Variants in RBBP4 observed in about 807,000 individuals in gnomAD.
RBBP4 encodes histone-binding protein RBBP4.
Under a neutral mutation model 57.2 loss-of-function variants are expected in RBBP4, and 3 were observed. The ratio of observed to expected loss-of-function variants is 0.05; its 90% CI spans 0.02 to 0.14. The LOEUF (loss-of-function observed/expected upper bound fraction) is 0.14. RBBP4 is among the 10% of genes least tolerant of loss of function. The probability of loss-of-function intolerance (pLI) is 1.00; values close to 1 mark genes in which losing one functional copy is unlikely to be tolerated. For synonymous variants in RBBP4, 151 were observed against 171.5 expected (o/e 0.88, Z 0.93); for missense variants, 107 against 520.6 (o/e 0.21, Z 7.73).
intron 3 of RBBP4, among the ~76,000 whole-genome samples, chr1:32,658,176 G>A (rs1394919281): frequency 6.6e-6 from 1 of 152,024 alleles, no homozygotes; most frequent in Non-Finnish European, 1.5e-5. Flanking sequence ...TTCTTAACAC[G>A]GGAGATAACT....
At position 32,662,893 on chromosome 1, in the gene RBBP4, A is replaced by G. The variant is rs532179890; in HGVS notation, c.310+5321A>G. 5.9e-5 allele frequency among the ~76,000 whole-genome samples: 9 copies of G among 152,092 alleles called. No homozygotes were observed. In the East Asian group the frequency reaches 1.8e-3, roughly 30 times the overall value. ...CAGCTACTTGGAAGGCTGATGCAGT[A>G]GAATCGCTTGAACCCAGGAGGCGGA... is the stretch of plus-strand genomic sequence containing the variant. On this transcript the variant is annotated intron_variant, in intron 3 of 11. Transcript: ENST00000373493.
rs1649722021 is a variant in RBBP4 at position 32,684,990 on chromosome 1, C to G, written c.*5285C>G. Reference sequence around the variant, plus strand: ...TGCTTTAGTGAGGGTGTTGGCTATCCTATTGCTAATTTCCTGCATCCTTTT... The same window carrying G: ...TGCTTTAGTGAGGGTGTTGGCTATCGTATTGCTAATTTCCTGCATCCTTTT... On this transcript the variant is annotated 3_prime_UTR_variant, in exon 12 of 12. Coordinates refer to ENST00000373493, the MANE Select transcript of RBBP4 (RefSeq NM_005610.3). 1 of 151,608 alleles carries G rather than the reference C, an allele frequency of 6.6e-6. No individual in the cohort carries two copies. Among genetic ancestry groups the G allele is most frequent in the Non-Finnish European group, 1.5e-5 (1 of 68,122 alleles). The allele number at this position is 151,608 out of a possible 1,614,324, so 9.4% of individuals were successfully genotyped here. A position where few individuals can be genotyped will look rare whatever the true frequency, so the allele number is the denominator to read the frequency against.
chr1:32,658,954 T>C (rs1570840592), intron 3 of RBBP4, among the ~76,000 whole-genome samples: 1 of 148,782 alleles, frequency 6.7e-6, no homozygotes, highest in Admixed American at 6.8e-5. Context: ...AACATACGTA[T>C]ATATGTATGT....
At chr1:32,658,885 TTG>T (rs960068520) in intron 3 of RBBP4, among the ~76,000 whole-genome samples, 6 of 151,178 alleles carry the variant, frequency 4.0e-5, no homozygotes, top group African/African-American at 1.5e-4. Context: ...TATATTTATA[TTG>T]TGTGTGTAAA....
intron 8 of RBBP4, among the ~76,000 whole-genome samples, chr1:32,671,884 C>T (rs1648894800): frequency 6.6e-6 from 1 of 151,996 alleles, no homozygotes; most frequent in Non-Finnish European, 1.5e-5. Context: ...CAGAGCAAGA[C>T]TTCCGTCTCA....
chr1:32,665,842 A>C (rs1016458618), intron 3 of RBBP4, among the ~76,000 whole-genome samples: 3 of 152,168 alleles, frequency 2.0e-5, no homozygotes, highest in Admixed American at 2.0e-4. Context: ...TGACAGAGCC[A>C]CTTAGGGGCC....
Position 32,668,721 on chromosome 1 carries a change from G to T in RBBP4, c.485-18G>T. The T allele has an allele frequency of 6.3e-7, 1 of 1,598,796 alleles. No homozygotes were observed. The highest frequency in any genetic ancestry group is 8.6e-7 in the Non-Finnish European group (1 of 1,167,826). ...AGCCAGTGGACTGGGTAGTCTTGAT[G>T]TGTCTGTCACTTTGCAGATCCTTCT... On this transcript the variant is annotated intron_variant, in intron 4 of 11. Transcript: ENST00000373493.
chr1:32,681,810 T>G lies in RBBP4; in HGVS notation c.*2105T>G. On this transcript the variant is annotated 3_prime_UTR_variant, in exon 12 of 12. Transcript: ENST00000373493. ...TACTTAGTGATCCTTTGCTAAGAAG[T>G]TTTTTGCTGTTTCCGGGTTACAGAT... 1 of 1,614,148 alleles carries G rather than the reference T, an allele frequency of 6.2e-7. No homozygotes were observed. The highest frequency in any genetic ancestry group is 8.5e-7 in the Non-Finnish European group (1 of 1,180,024).
At chr1:32,673,853 C>T (rs1424589871) in intron 11 of RBBP4, among the ~76,000 whole-genome samples, 1 of 152,132 alleles carries the variant, frequency 6.6e-6, no homozygotes, top group East Asian at 1.9e-4. Context: ...AATCCCAGTA[C>T]TCTGGGAGGC....
chr1:32,668,757 A>G lies in RBBP4; in HGVS notation c.503A>G (p.Asn168Ser), dbSNP rs373952543. The G allele has an allele frequency of 1.9e-6, 3 of 1,612,888 alleles. No homozygotes were observed. The South Asian group carries it at 3.3e-5, about 18-fold the overall frequency. Reference protein sequence around the residue: ...PSKPDPSGECNPDLRLRGHQK... With the variant: ...PSKPDPSGECSPDLRLRGHQK... ...TTTGCAGATCCTTCTGGAGAGTGCA[A>G]CCCAGACTTGCGTCTCCGTGGACAT... Residue 168 changes from asparagine (N) to serine (S), a missense_variant, in exon 5 of 12, where the codon AAC (asparagine) becomes AGC (serine). Physicochemically the swap from Asn to Ser is conservative, Grantham distance 46 (BLOSUM62 1). Around this residue, in one of 3 missense-constraint regions of RBBP4, gnomAD observed 92 missense variants for 408.5 expected, o/e 0.23. Coordinates refer to ENST00000373493, the MANE Select transcript of RBBP4 (RefSeq NM_005610.3).
In RBBP4 at chr1:32,684,151, C is replaced by T. The variant is rs1649645517; in HGVS notation, c.*4446C>T. On this transcript the variant is annotated 3_prime_UTR_variant, in exon 12 of 12. Transcript: ENST00000373493. ...GATAAGCACAATTTGAAAATCATTT[C>T]CCAAATCCTCTTTTTGTTTTTGATT... 6 of 1,606,132 alleles carry T rather than the reference C, an allele frequency of 3.7e-6. No homozygotes were observed. The highest frequency in any genetic ancestry group is 5.1e-6 in the Non-Finnish European group (6 of 1,175,514).
chr1:32,684,502 G>T lies in RBBP4; in HGVS notation c.*4797G>T. ...TAATCTTGATAGCAGTATTGAGGCT[G>T]GTATTTATATGATAGGTTATGAAAC... is the stretch of plus-strand genomic sequence containing the variant. On this transcript the variant is annotated 3_prime_UTR_variant, in exon 12 of 12. Transcript: ENST00000373493. 7.1e-7 allele frequency: 1 copy of T among 1,407,664 alleles called. No individual in the cohort carries two copies. The highest frequency in any genetic ancestry group is 1.3e-5 in the South Asian group (1 of 74,132). The allele number at this position is 1,407,664 out of a possible 1,614,324, so 87.2% of individuals were successfully genotyped here. A position where few individuals can be genotyped will look rare whatever the true frequency, so the allele number is the denominator to read the frequency against.
At chr1:32,651,790 GTGGGGA>G in intron 1 of RBBP4, 118 bp from the exon 2 acceptor site, 3 of 1,172,726 alleles carry the variant, frequency 2.6e-6, no homozygotes, top group Non-Finnish European at 3.6e-6. Flanking sequence ...TGCCTCTGCC[GTGGGGA>G]TTTAGACAAA....
chr1:32,669,767 G>A lies in RBBP4; in HGVS notation c.966+204G>A, dbSNP rs1210685455. ...TAGCCGGGCATGGTGGCGGATGCCC[G>A]TAGTCCCAGCTACTCGGGAGGCTGA... On this transcript the variant is annotated intron_variant, in intron 8 of 11. Coordinates refer to ENST00000373493, the MANE Select transcript of RBBP4 (RefSeq NM_005610.3). This position sits in a 1 kb window ranked among gnomAD's most constrained non-coding sequence, Gnocchi z 4.9. Among the ~76,000 whole-genome samples, 1 of 152,120 alleles carries A rather than the reference G, an allele frequency of 6.6e-6. No homozygotes were observed. The highest frequency in any genetic ancestry group is 2.4e-5 in the African/African-American group (1 of 41,426).
At chr1:32,658,815 A>G (rs994644403) in intron 3 of RBBP4, among the ~76,000 whole-genome samples, 4 of 151,636 alleles carry the variant, frequency 2.6e-5, no homozygotes, top group African/African-American at 9.7e-5. Flanking sequence ...CTTGTTACTG[A>G]GGCACAAATA....
At chr1:32,672,620 T>C (rs1210269619) in intron 9 of RBBP4, 22 bp from the exon 10 acceptor site, 1 of 1,612,690 alleles carries the variant, frequency 6.2e-7, no homozygotes, top group Non-Finnish European at 8.5e-7. Flanking sequence ...TTTTAACTTT[T>C]AAAATTATGC....
intron 3 of RBBP4, among the ~76,000 whole-genome samples, chr1:32,659,153 A>G (rs1400169958): frequency 6.8e-6 from 1 of 148,082 alleles, no homozygotes; most frequent in South Asian, 2.1e-4. Context: ...TATATAAAAT[A>G]TATGTAATTT....
rs757262121 is a variant in RBBP4 at position 32,657,605 on chromosome 1, G to A, written c.310+33G>A. The A allele has an allele frequency of 1.7e-5, 27 of 1,605,410 alleles. No homozygotes were observed. The East Asian group carries it at 2.9e-4, about 17-fold the overall frequency. ...TCTTAAAGGTGAAAGAAGTAAAGAT[G>A]TGTGGGTCATATCTGTTATGTGCAC... On this transcript the variant is annotated intron_variant, in intron 3 of 11. Transcript: ENST00000373493.
intron 11 of RBBP4, among the ~76,000 whole-genome samples, chr1:32,673,893 T>C (rs2148530224): frequency 6.6e-6 from 1 of 152,048 alleles, no homozygotes; most frequent in South Asian, 2.1e-4. Context: ...GGTCAGGAGA[T>C]CGAGACCATC....
Sources: gnomAD v4.1 joint callset for allele counts (sites outside exome capture counted in the v4.1 genomes callset) on GRCh38, gnomAD v4.1.1 for gene constraint, gnomAD v4.1.1 regional missense constraint, Gnocchi (gnomAD v3.1) non-coding constraint, MANE v1.5 for transcripts, NCBI Gene and HGNC (gene_info 2026-07-23, HGNC 2026-07-21) for gene names.